The following ATAD1 variants were observed in gnomAD, a reference collection of about 807,000 sequenced individuals.
The protein encoded by ATAD1 is ATPase family AAA domain containing 1.
Under a neutral mutation model 42.7 loss-of-function variants are expected in ATAD1, and 18 were observed. That is an observed-to-expected ratio of 0.42 (90% CI 0.29 to 0.63). The LOEUF is 0.63. Ranked by LOEUF, ATAD1 falls within the 20% of genes least tolerant of loss-of-function variation. ATAD1 has a pLI of 0.19. For missense variants in ATAD1, 294 were observed against 440.4 expected (o/e 0.67, Z 2.98); for synonymous variants, 132 against 143.1 (o/e 0.92, Z 0.55).
At position 87,790,372 on chromosome 10, in the gene ATAD1, A is replaced by G; in HGVS notation, c.320T>C (p.Val107Ala). 1 of 1,612,998 alleles carries G rather than the reference A, an allele frequency of 6.2e-7. No individual in the cohort carries two copies. Among genetic ancestry groups the G allele is most frequent in the Non-Finnish European group, 8.5e-7 (1 of 1,179,756 alleles). ...ATGTTTCTTTTTGATAGGTAAGATG[A>G]CTGTGTCTTTCAGATCCGTAATGAC... ...DDVITDLKDT[V>A]ILPIKKKHLF... Residue 107 changes from valine to alanine, a missense_variant, in exon 4 of 10, where the codon GTC (valine) becomes GCC (alanine). Val to Ala is a moderately conservative substitution (Grantham distance 64). Coordinates refer to ENST00000680024, the MANE Select transcript of ATAD1 (RefSeq NM_001321967.2).
At chr10:87,813,155 G>A (rs910961827) in intron 2 of ATAD1, among the ~76,000 whole-genome samples, 4 of 151,988 alleles carry the variant, frequency 2.6e-5, no homozygotes, top group Non-Finnish European at 4.4e-5. Context: ...TTCTATATGT[G>A]TATTCAGGAG....
upstream of ATAD1, among the ~76,000 whole-genome samples, chr10:87,819,920 T>C (rs898168774): frequency 1.3e-5 from 2 of 152,118 alleles, no homozygotes; most frequent in African/African-American, 4.8e-5. Context: ...CAGAATGGAA[T>C]TGAATACACC....
intron 2 of ATAD1, among the ~76,000 whole-genome samples, chr10:87,794,388 T>TA (rs1235075076): frequency 6.6e-6 from 1 of 152,202 alleles, no homozygotes; most frequent in Non-Finnish European, 1.5e-5. Flanking sequence ...ACATGTCAGT[T>TA]AAAAAAGGTA....
chr10:87,770,870 TA>T (rs1854997674), intron 7 of ATAD1, 81 bp downstream of exon 7: 1 of 1,282,022 alleles, frequency 7.8e-7, no homozygotes. Context: ...TATGACAAAA[TA>T]TTCCCTTCTT....
intron 6 of ATAD1, among the ~76,000 whole-genome samples, chr10:87,775,420 C>CAAAAAAA (rs35200026): frequency 4.2e-5 from 1 of 24,054 alleles, no homozygotes; most frequent in Admixed American, 6.1e-4. Flanking sequence ...GACTCCATCT[C>CAAAAAAA]AAAAAAAAAA....
At chr10:87,820,796 A>T (rs1857618243), upstream of ATAD1, among the ~76,000 whole-genome samples, 1 of 152,168 alleles carries the variant, frequency 6.6e-6, no homozygotes, top group African/African-American at 2.4e-5. Context: ...CTAAGACATC[A>T]AGTACATTCA....
intron 4 of ATAD1, among the ~76,000 whole-genome samples, chr10:87,786,035 C>T (rs2131894113): frequency 6.6e-6 from 1 of 152,222 alleles, no homozygotes; most frequent in Non-Finnish European, 1.5e-5. Context: ...TTGGTTAAGT[C>T]AGTTATAATT....
intron 4 of ATAD1, among the ~76,000 whole-genome samples, chr10:87,788,046 A>G (rs887664782): frequency 6.6e-6 from 1 of 151,820 alleles, no homozygotes; most frequent in African/African-American, 2.4e-5. Context: ...CGTTTGAGGG[A>G]AAAAAATCAC....
At chr10:87,832,862 C>T (rs1857858977) in intron 1 of ATAD1, 1 of 152,124 alleles carries the variant, frequency 6.6e-6, no homozygotes. Flanking sequence ...AATGCAGTGG[C>T]TATTCACAGG....
At chr10:87,830,754 A>C (rs1280833589) in intron 1 of ATAD1, among the ~76,000 whole-genome samples, 1 of 152,222 alleles carries the variant, frequency 6.6e-6, no homozygotes, top group Non-Finnish European at 1.5e-5. Flanking sequence ...AACATAGTAA[A>C]TAGTGTGTTG....
At chr10:87,789,941 G>A (rs1856016186) in intron 4 of ATAD1, among the ~76,000 whole-genome samples, 1 of 151,542 alleles carries the variant, frequency 6.6e-6, no homozygotes, top group Admixed American at 6.6e-5. Flanking sequence ...CTAAAAATAA[G>A]ATCGTTGGAG....
intron 9 of ATAD1, among the ~76,000 whole-genome samples, chr10:87,755,615 G>T (rs983898399): frequency 6.6e-6 from 1 of 151,928 alleles, no homozygotes; most frequent in South Asian, 2.1e-4. Context: ...TTATATATAA[G>T]AATAAAAACC....
upstream of ATAD1, among the ~76,000 whole-genome samples, chr10:87,819,851 G>C (rs1857594835): frequency 6.6e-6 from 1 of 152,134 alleles, no homozygotes; most frequent in African/African-American, 2.4e-5. Context: ...GGCTTTAAAG[G>C]ATGGGATGAA....
At chr10:87,815,550 A>G (rs77300035) in intron 1 of ATAD1, among the ~76,000 whole-genome samples, 10 of 151,504 alleles carry the variant, frequency 6.6e-5, no homozygotes, top group Non-Finnish European at 1.3e-4. Flanking sequence ...CATAAACATG[A>G]AAAAAAACAG....
chr10:87,813,714 G>T, intron 2 of ATAD1, among the ~76,000 whole-genome samples: 1 of 151,718 alleles, frequency 6.6e-6, no homozygotes, highest in Non-Finnish European at 1.5e-5. Context: ...TCACAAGACA[G>T]ATCTAAAAAT....
chr10:87,812,989 A>G (rs903967935), intron 2 of ATAD1, among the ~76,000 whole-genome samples: 4 of 152,192 alleles, frequency 2.6e-5, no homozygotes, highest in Non-Finnish European at 5.9e-5. Context: ...ATTATAATTT[A>G]TATTATCATG....
At chr10:87,777,229 G>C (rs1855345703) in intron 5 of ATAD1, among the ~76,000 whole-genome samples, 1 of 152,078 alleles carries the variant, frequency 6.6e-6, no homozygotes. Context: ...AACCCTATGT[G>C]CTCTTAGTTA....
In ATAD1 at chr10:87,833,760, C is replaced by T. The variant is rs564717658; in HGVS notation, c.-14+7427G>A. On this transcript the variant is annotated intron_variant, in intron 1 of 4. Transcript: ENST00000495903. ...TTTTTTTTTTTTTGATAGAGTCTTG[C>T]TCTGTAGCCCAGGCTGGAGTGCAGT... Among the ~76,000 whole-genome samples the T allele has an allele frequency of 4.7e-5, 5 of 107,384 alleles. No individual in the cohort carries two copies. In the East Asian group the frequency reaches 1.1e-3, roughly 24 times the overall value. 70.4% of individuals were successfully genotyped at this position (107,384 alleles called of 152,430 possible).
At chr10:87,806,940 C>T (rs562622632) in intron 2 of ATAD1, among the ~76,000 whole-genome samples, 2 of 152,222 alleles carry the variant, frequency 1.3e-5, no homozygotes, top group Middle Eastern at 6.8e-3. Context: ...CATTAGTTTC[C>T]CACAGTTTGC....
Sources: gnomAD v4.1 joint callset for allele counts (sites outside exome capture counted in the v4.1 genomes callset) on GRCh38, gnomAD v4.1.1 for gene constraint, MANE v1.5 for transcripts, NCBI Gene and HGNC (gene_info 2026-07-23, HGNC 2026-07-21) for gene names.